FRY: variants seen among roughly 807,000 people sequenced by gnomAD.
FRY encodes FRY microtubule binding protein, also known as protein furry homolog.
In FRY, 128 loss-of-function variants were observed where a neutral mutation model predicts 348.4. The ratio of observed to expected loss-of-function variants is 0.37; its 90% CI spans 0.32 to 0.43. The LOEUF (loss-of-function observed/expected upper bound fraction) is 0.43. Among genes scored for constraint, FRY ranks in the 20% least tolerant of loss-of-function variants. FRY has a pLI of 1.00. For synonymous variants in FRY, 1,370 were observed against 1,374.7 expected (o/e 1.00, Z 0.08); for missense variants, 2,736 against 3,695.2 (o/e 0.74, Z 6.73).
At chr13:32,139,580 C>G (rs1002304762) in intron 11 of FRY, among the ~76,000 whole-genome samples, 4 of 152,208 alleles carry the variant, frequency 2.6e-5, no homozygotes, top group Admixed American at 2.0e-4. Flanking sequence ...CTGGTTTATT[C>G]CCAGCATTAG....
chr13:32,250,071 G>A (rs1481636080), intron 49 of FRY, among the ~76,000 whole-genome samples: 3 of 152,174 alleles, frequency 2.0e-5, no homozygotes, highest in African/African-American at 7.2e-5. Context: ...AGGGTTGATA[G>A]GGCTGCACAC....
chr13:32,269,719 A>C (rs1888113744), intron 55 of FRY, among the ~76,000 whole-genome samples: 1 of 152,004 alleles, frequency 6.6e-6, no homozygotes, highest in South Asian at 2.1e-4. Flanking sequence ...AAGATAACTT[A>C]TTAATCTGTT....
At position 32,295,569 on chromosome 13, in the gene FRY, C is replaced by A; in HGVS notation, c.*109C>A. The A allele has an allele frequency of 9.8e-7, 1 of 1,020,664 alleles. No individual in the cohort carries two copies. Among genetic ancestry groups the A allele is most frequent in the Non-Finnish European group, 1.5e-6 (1 of 662,168 alleles). 63.2% of individuals were successfully genotyped at this position (1,020,664 alleles called of 1,614,324 possible). A position where few individuals can be genotyped will look rare whatever the true frequency, so the allele number is the denominator to read the frequency against. ...AAAAGGCTTGGACAGACTGTTCTCCCTCTTGTTACCTGTAGGGCTTTTTCT... is the reference window on the plus strand; with the variant it reads ...AAAAGGCTTGGACAGACTGTTCTCCATCTTGTTACCTGTAGGGCTTTTTCT... On this transcript the variant is annotated 3_prime_UTR_variant, in exon 61 of 61. Coordinates refer to ENST00000542859, the MANE Select transcript of FRY (RefSeq NM_023037.3).
intron 1 of FRY, among the ~76,000 whole-genome samples, chr13:32,075,613 C>T (rs563956304): frequency 7.9e-5 from 12 of 152,180 alleles, no homozygotes; most frequent in Non-Finnish European, 1.2e-4. Flanking sequence ...TCAAATTTGA[C>T]TACCGGGGAA....
chr13:32,274,881 GCCAGTTA>G lies in FRY; in HGVS notation c.8179_8185del (p.Ser2727LeufsTer49). 1 of 1,613,472 alleles carries G rather than the reference GCCAGTTA, an allele frequency of 6.2e-7. No individual in the cohort carries two copies. Among genetic ancestry groups the G allele is most frequent in the Admixed American group, 1.7e-5 (1 of 60,014 alleles). Reference sequence around the variant, plus strand: ...GTTCTGCTTCCTAACCTGTGATGCAGCCAGTTACCTTGGAGATAACCTCCGGGGAATC... The same window carrying G: ...GTTCTGCTTCCTAACCTGTGATGCAGCCTTGGAGATAACCTCCGGGGAATC... On this transcript the variant is annotated frameshift_variant, in exon 56 of 61. Transcript: ENST00000542859. LOFTEE classifies it high-confidence loss of function.
At chr13:32,177,231 A>T (rs550517269) in intron 20 of FRY, among the ~76,000 whole-genome samples, 1 of 152,188 alleles carries the variant, frequency 6.6e-6, no homozygotes, top group African/African-American at 2.4e-5. Flanking sequence ...ACTAATATAG[A>T]TATTTATCTT....
chr13:32,202,298 A>G (rs1884076298), intron 30 of FRY, 58 bp from the exon 31 acceptor site: 1 of 1,294,072 alleles, frequency 7.7e-7, no homozygotes, highest in Non-Finnish European at 1.1e-6. Context: ...ACAAATGCTC[A>G]TGAGATATCC....
At position 32,157,461 on chromosome 13, in the gene FRY, G is replaced by C. The variant is rs1881181872; in HGVS notation, c.1784+56G>C. On this transcript the variant is annotated intron_variant, in intron 16 of 60. Coordinates refer to ENST00000542859, the MANE Select transcript of FRY (RefSeq NM_023037.3). ...AAAGATTAACCAGAAAACACAAGTA[G>C]AGAGTATTCTCATTTATTCTGTATT... The C allele has an allele frequency of 2.0e-6, 3 of 1,491,222 alleles. No individual in the cohort carries two copies. The Admixed American group carries it at 5.0e-5, about 25-fold the overall frequency. The allele number at this position is 1,491,222 out of a possible 1,614,324, so 92.4% of individuals were successfully genotyped here.
At position 32,184,629 on chromosome 13, in the gene FRY, G is replaced by A. The variant is rs1423652803; in HGVS notation, c.3084G>A (p.Leu1028=). The change falls in exon 25 of 61, where the codon TTG becomes TTA. Residue 1028 remains leucine (L), a synonymous_variant. Transcript: ENST00000542859. ...AGAAACGCCGAGAACGGCGAGACTT[G>A]TTAAGGCTACAACTACTTCGAATTT... The part of the protein sequence containing the change: ...ENKKRRERRD[L]LRLQLLRIFE... The A allele has an allele frequency of 1.9e-6, 3 of 1,613,654 alleles. No homozygotes were observed. The highest frequency in any genetic ancestry group is 2.5e-6 in the Non-Finnish European group (3 of 1,179,504).
rs1363400070 is a variant in FRY, at chr13:32,254,255, T to C, written c.7277T>C (p.Leu2426Pro). 1 of 1,614,032 alleles carries C rather than the reference T, an allele frequency of 6.2e-7. No homozygotes were observed. The highest frequency in any genetic ancestry group is 1.3e-5 in the African/African-American group (1 of 74,920). The change falls in exon 51 of 61, where the codon CTG becomes CCG. Residue 2426 changes from leucine (L) to proline (P), a missense_variant. By Grantham distance (98) the Leu-to-Pro change is moderately conservative (BLOSUM62 -3). Transcript: ENST00000542859. ...VIFSSCGDLD[L>P]LEHQTSLVSS... The stretch of plus-strand genomic sequence containing the variant: ...TTTTCATCGTGTGGGGATCTGGATC[T>C]GCTTGAGCACCAGACAAGCTTGGTA...
intron 4 of FRY, among the ~76,000 whole-genome samples, chr13:32,120,387 T>C (rs746854493): frequency 6.6e-6 from 1 of 152,066 alleles, no homozygotes; most frequent in Non-Finnish European, 1.5e-5. Flanking sequence ...AATCAGTGTG[T>C]TAGTCAAGCA....
In FRY at chr13:32,209,128, T is replaced by C; in HGVS notation, c.4275+19T>C. 6.2e-7 allele frequency: 1 copy of C among 1,613,848 alleles called. No homozygotes were observed. ...GGCCAAGGTAAACTCAGAGGAATTGTGCTTCAAATAGCATGGCTCCATCAT... is the reference window on the plus strand; with the variant it reads ...GGCCAAGGTAAACTCAGAGGAATTGCGCTTCAAATAGCATGGCTCCATCAT... On this transcript the variant is annotated intron_variant, in intron 32 of 60. Transcript: ENST00000542859.
intron 38 of FRY, 76 bp downstream of exon 38, chr13:32,225,112 C>A: frequency 1.2e-6 from 1 of 853,570 alleles, no homozygotes; most frequent in Non-Finnish European, 2.0e-6. Flanking sequence ...GATTTCCTTT[C>A]ACATTGACAT....
In FRY at chr13:32,131,737, CAT is replaced by C; in HGVS notation, c.785_786del (p.Tyr262CysfsTer18). ...GAATTACGGCACAAAGAGCAGAACC[CAT>C]ATGTGGTTCAAAGCATTATCAGCTT... On this transcript the variant is annotated frameshift_variant, in exon 8 of 61. Transcript: ENST00000542859. LOFTEE classifies it high-confidence loss of function. 1 of 1,612,902 alleles carries C rather than the reference CAT, an allele frequency of 6.2e-7. No individual in the cohort carries two copies. Among genetic ancestry groups the C allele is most frequent in the Non-Finnish European group, 8.5e-7 (1 of 1,178,872 alleles).
rs1873010165 is a variant in FRY at position 32,046,217 on chromosome 13, A to AC, written c.70+14353dup. On this transcript the variant is annotated intron_variant, in intron 1 of 60. Transcript: ENST00000542859. Reference sequence around the variant, plus strand: ...ATAAATTGTGGATACTGTTCCTAGGACATCCCTCTCCATTTCAGTCTATGT... The same window carrying AC: ...ATAAATTGTGGATACTGTTCCTAGGACCATCCCTCTCCATTTCAGTCTATGT... Among the ~76,000 whole-genome samples, 4 of 152,284 alleles carry AC rather than the reference A, an allele frequency of 2.6e-5. No homozygotes were observed. The South Asian group carries it at 8.3e-4, about 32-fold the overall frequency.
At chr13:32,032,945 C>A (rs971068772) in intron 1 of FRY, among the ~76,000 whole-genome samples, 3 of 152,174 alleles carry the variant, frequency 2.0e-5, no homozygotes, top group Middle Eastern at 3.2e-3. Context: ...CTTATATAAA[C>A]AAAACCTGGG....
Position 32,247,379 on chromosome 13 carries a change from C to T in FRY, c.6885C>T (p.Ala2295=), listed in dbSNP as rs1412466393. 6 of 1,613,664 alleles carry T rather than the reference C, an allele frequency of 3.7e-6. No individual in the cohort carries two copies. The highest frequency in any genetic ancestry group is 3.4e-6 in the Non-Finnish European group (4 of 1,179,582). The stretch of plus-strand genomic sequence containing the variant: ...TGAAGCTGGTAGTTTCTCGGTCAGC[C>T]AGCCTTGTTTTACCTTCATACCAGC... The part of the protein sequence containing the change: ...NILKLVVSRS[A]SLVLPSYQHS... The change falls in exon 48 of 61, where the codon GCC becomes GCT. Residue 2295 remains alanine, a synonymous_variant. Transcript: ENST00000542859.
intron 2 of FRY, among the ~76,000 whole-genome samples, chr13:32,095,820 C>G (rs1876667741): frequency 6.6e-6 from 1 of 152,166 alleles, no homozygotes; most frequent in Non-Finnish European, 1.5e-5. Context: ...GGTCTCTTTT[C>G]TGAAGCAGGC....
At chr13:32,265,755 G>C (rs1422359183) in intron 54 of FRY, 139 bp downstream of exon 54, 1 of 850,334 alleles carries the variant, frequency 1.2e-6, no homozygotes, top group African/African-American at 1.7e-5. Flanking sequence ...ATCATGGCAG[G>C]CTCTCAGCTG....
Sources: gnomAD v4.1 joint callset for allele counts (sites outside exome capture counted in the v4.1 genomes callset) on GRCh38, gnomAD v4.1.1 for gene constraint, MANE v1.5 for transcripts, NCBI Gene and HGNC (gene_info 2026-07-23, HGNC 2026-07-21) for gene names.